PSORS1C2: variants seen among roughly 807,000 people sequenced by gnomAD.
PSORS1C2 encodes the protein psoriasis susceptibility 1 candidate 2.
Under a neutral mutation model 12.2 loss-of-function variants are expected in PSORS1C2, and 13 were observed. The observed-to-expected ratio is 1.07, with a 90% CI of 0.70 to 1.70. The LOEUF (loss-of-function observed/expected upper bound fraction) is 1.70, where lower values mean the gene tolerates loss of function less well. PSORS1C2 is among the 40% of genes most tolerant of loss of function. PSORS1C2 has a pLI of 0.00. For missense variants in PSORS1C2, 186 were observed against 173.4 expected, an observed-to-expected ratio of 1.07 and a Z score of -0.41; for synonymous variants, 76 against 69.2, an observed-to-expected ratio of 1.10 and a Z score of -0.49.
rs992483310 is a variant in PSORS1C2, at chr6:31,138,254, C to T, written c.108G>A (p.Glu36=). Reference sequence around the variant, plus strand: ...GAGGCAATGTTGGGGAGCCTGCCTCCTCTCGGTCCTCTGCGGGTGGGTGAG... The same window carrying T: ...GAGGCAATGTTGGGGAGCCTGCCTCTTCTCGGTCCTCTGCGGGTGGGTGAG... ...HPSHPPAEDR[E]EAGSPTLPQG... The change falls in exon 2 of 2, where the codon GAG becomes GAA. Residue 36 remains glutamate (E), a synonymous_variant. Transcript: ENST00000259845. 10 of 1,568,550 alleles carry T rather than the reference C, an allele frequency of 6.4e-6. No individual in the cohort carries two copies. The highest frequency in any genetic ancestry group is 8.6e-6 in the Non-Finnish European group (10 of 1,158,216).
chr6:31,138,432 C>CA (rs1243219436), intron 1 of PSORS1C2, 126 bp from the exon 2 acceptor site: 2 of 1,612,472 alleles, frequency 1.2e-6, no homozygotes, highest in East Asian at 4.5e-5. Context: ...ACAAACAGAC[C>CA]AAAAAAGTCA....
At position 31,138,226 on chromosome 6, in the gene PSORS1C2, C is replaced by A. The variant is rs747856188; in HGVS notation, c.136G>T (p.Gly46Cys). The part of the protein sequence containing the change: ...EEAGSPTLPQ[G>C]PPVPGDPWPG... ...CAAGGGTCACCGGGGACTGGGGGGC[C>A]CTGAGGCAATGTTGGGGAGCCTGCC... is the stretch of plus-strand genomic sequence containing the variant. Residue 46 changes from glycine to cysteine, a missense_variant, in exon 2 of 2, where the codon GGC becomes TGC. Coordinates refer to ENST00000259845, the MANE Select transcript of PSORS1C2 (RefSeq NM_014069.3). The A allele has an allele frequency of 4.5e-6, 7 of 1,567,606 alleles. No homozygotes were observed. The Admixed American group carries it at 1.3e-4, about 30-fold the overall frequency.
intron 1 of PSORS1C2, 30 bp from the exon 2 acceptor site, chr6:31,138,336 G>T (rs1320886029): frequency 6.2e-7 from 1 of 1,607,962 alleles, no homozygotes; most frequent in African/African-American, 1.3e-5. Context: ...AAGGTAAGAG[G>T]TGGTGAGGGC....
intron 1 of PSORS1C2, chr6:31,138,665 C>A (rs1158359625): frequency 6.2e-7 from 1 of 1,613,158 alleles, no homozygotes; most frequent in South Asian, 1.1e-5. Flanking sequence ...GGCACACAGA[C>A]CCCAGCTTTA....
Position 31,137,916 on chromosome 6 carries a change from A to G in PSORS1C2, c.*35T>C. ...GGGTGGAGAGGGCGTGGGTGCCTGG[A>G]GATGCCTGGGAACAGAACGGCTGAG... is the stretch of plus-strand genomic sequence containing the variant. On this transcript the variant is annotated 3_prime_UTR_variant, in exon 2 of 2. Transcript: ENST00000259845. 9.0e-7 allele frequency: 1 copy of G among 1,114,312 alleles called. No individual in the cohort carries two copies. The highest frequency in any genetic ancestry group is 1.2e-6 in the Non-Finnish European group (1 of 808,378). The allele number at this position is 1,114,312 out of a possible 1,614,324, so 69.0% of individuals were successfully genotyped here. A position where few individuals can be genotyped will look rare whatever the true frequency, so the allele number is the denominator to read the frequency against.
chr6:31,138,950 C>T (rs768490112), intron 1 of PSORS1C2, 22 bp downstream of exon 1: 1 of 1,613,362 alleles, frequency 6.2e-7, no homozygotes, highest in Non-Finnish European at 8.5e-7. Context: ...AACTGCAGTC[C>T]CTGCCTCTGT....
At chr6:31,138,870 C>G (rs963774844) in intron 1 of PSORS1C2, 102 bp downstream of exon 1, 1 of 1,600,188 alleles carries the variant, frequency 6.2e-7, no homozygotes, top group African/African-American at 1.3e-5. Flanking sequence ...TTCTGCGTCC[C>G]CTGAATTCCT....
chr6:31,137,943 G>C lies in PSORS1C2; in HGVS notation c.*8C>G. 1 of 1,398,940 alleles carries C rather than the reference G, an allele frequency of 7.1e-7. No homozygotes were observed. The highest frequency in any genetic ancestry group is 1.4e-5 in the African/African-American group (1 of 69,398). The allele number at this position is 1,398,940 out of a possible 1,614,324, so 86.7% of individuals were successfully genotyped here. On this transcript the variant is annotated 3_prime_UTR_variant, in exon 2 of 2. Coordinates refer to ENST00000259845, the MANE Select transcript of PSORS1C2 (RefSeq NM_014069.3). ...ATGCCTGGGAACAGAACGGCTGAGG[G>C]GACTCCATTATCTGTACTCTTCCCG...
intron 1 of PSORS1C2, 59 bp from the exon 2 acceptor site, chr6:31,138,365 C>T (rs1773267435): frequency 6.3e-7 from 1 of 1,591,718 alleles, no homozygotes; most frequent in Non-Finnish European, 8.6e-7. Flanking sequence ...CCAGCCCCAC[C>T]CAGCCCCAGC....
At position 31,138,275 on chromosome 6, in the gene PSORS1C2, G is replaced by A. The variant is rs1191440654; in HGVS notation, c.87C>T (p.His29=). 3 of 1,582,958 alleles carry A rather than the reference G, an allele frequency of 1.9e-6. No individual in the cohort carries two copies. The highest frequency in any genetic ancestry group is 2.6e-6 in the Non-Finnish European group (3 of 1,164,536). The change falls in exon 2 of 2, where the codon CAC becomes CAT. Residue 29 remains histidine, a synonymous_variant. Transcript: ENST00000259845. Reference sequence around the variant, plus strand: ...CCTCCTCTCGGTCCTCTGCGGGTGGGTGAGAGGGGTGGCCCTCGCTGCCTG... The same window carrying A: ...CCTCCTCTCGGTCCTCTGCGGGTGGATGAGAGGGGTGGCCCTCGCTGCCTG... ...GISGSEGHPS[H]PPAEDREEAG...
chr6:31,138,504 C>T (rs553355717), intron 1 of PSORS1C2, 198 bp from the exon 2 acceptor site: 126 of 1,609,502 alleles, frequency 7.8e-5, no homozygotes, highest in Non-Finnish European at 1.1e-4. Context: ...TCATGAACCC[C>T]TACCCCCGAT....
At chr6:31,138,581 C>T in intron 1 of PSORS1C2, 2 of 1,609,280 alleles carry the variant, frequency 1.2e-6, no homozygotes. Context: ...TCCATCCACC[C>T]CTGGTTGGGG....
chr6:31,138,040 G>T lies in PSORS1C2; in HGVS notation c.322C>A (p.Pro108Thr). 1 of 1,529,234 alleles carries T rather than the reference G, an allele frequency of 6.5e-7. No homozygotes were observed. The highest frequency in any genetic ancestry group is 8.8e-7 in the Non-Finnish European group (1 of 1,140,986). 94.7% of individuals were successfully genotyped at this position (1,529,234 alleles called of 1,614,324 possible). ...GGGGCAGGAGGCCAGGGGTTTTCTG[G>T]GGGCTGGGGTCCTGCCGGCCAAGGG... ...DDPWPAGPQPPENPWPPAPEV... is the reference protein window; with the variant it reads ...DDPWPAGPQPTENPWPPAPEV... The change falls in exon 2 of 2, where the codon CCA (proline) becomes ACA (threonine). Residue 108 changes from proline to threonine, a missense_variant. Coordinates refer to ENST00000259845, the MANE Select transcript of PSORS1C2 (RefSeq NM_014069.3).
chr6:31,137,725 T>G lies in PSORS1C2; in HGVS notation c.*226A>C. The G allele has an allele frequency of 2.5e-6, 1 of 398,482 alleles. No individual in the cohort carries two copies. The highest frequency in any genetic ancestry group is 4.4e-6 in the Non-Finnish European group (1 of 225,852). 24.7% of individuals were successfully genotyped at this position (398,482 alleles called of 1,614,324 possible). A position where few individuals can be genotyped will look rare whatever the true frequency, so the allele number is the denominator to read the frequency against. On this transcript the variant is annotated 3_prime_UTR_variant, in exon 2 of 2. Coordinates refer to ENST00000259845, the MANE Select transcript of PSORS1C2 (RefSeq NM_014069.3). ...TGGAGGCGAGGTAGGAGAGTAGGCT[T>G]AGGCTGTCAGAGGAAAAAACGGGCG... is the stretch of plus-strand genomic sequence containing the variant.
rs945798031 is a variant in PSORS1C2 at position 31,138,287 on chromosome 6, G to A, written c.75C>T (p.Gly25=). Residue 25 remains glycine (G), a synonymous_variant, in exon 2 of 2, where the codon GGC becomes GGT. Coordinates refer to ENST00000259845, the MANE Select transcript of PSORS1C2 (RefSeq NM_014069.3). ...CCTCTGCGGGTGGGTGAGAGGGGTG[G>A]CCCTCGCTGCCTGAGATGCCTGTAA... ...LHTRGISGSE[G]HPSHPPAEDR... The A allele has an allele frequency of 1.3e-6, 2 of 1,586,254 alleles. No individual in the cohort carries two copies. Among genetic ancestry groups the A allele is most frequent in the South Asian group, 1.1e-5 (1 of 87,158 alleles).
At position 31,138,236 on chromosome 6, in the gene PSORS1C2, T is replaced by C; in HGVS notation, c.126A>G (p.Thr42=). The part of the protein sequence containing the change: ...AEDREEAGSP[T]LPQGPPVPGD... ...CGGGGACTGGGGGGCCCTGAGGCAA[T>C]GTTGGGGAGCCTGCCTCCTCTCGGT... Residue 42 remains threonine (T), a synonymous_variant, in exon 2 of 2, where the codon ACA becomes ACG. Coordinates refer to ENST00000259845, the MANE Select transcript of PSORS1C2 (RefSeq NM_014069.3). 1.3e-6 allele frequency: 2 copies of C among 1,566,510 alleles called. No homozygotes were observed. Among genetic ancestry groups the C allele is most frequent in the Non-Finnish European group, 1.7e-6 (2 of 1,158,170 alleles).
chr6:31,138,793 G>A, intron 1 of PSORS1C2, 179 bp downstream of exon 1: 7 of 1,614,080 alleles, frequency 4.3e-6, no homozygotes, highest in Non-Finnish European at 5.9e-6. Context: ...AGAGCCAAAT[G>A]CACCTTCTGC....
intron 1 of PSORS1C2, chr6:31,138,737 A>G (rs1386240460): frequency 6.2e-7 from 1 of 1,613,764 alleles, no homozygotes; most frequent in Non-Finnish European, 8.5e-7. Context: ...CCCCACGTTA[A>G]TCCTGACCGA....
chr6:31,138,767 C>G, intron 1 of PSORS1C2: 1 of 1,614,154 alleles, frequency 6.2e-7, no homozygotes. Context: ...ATGGAGCCAG[C>G]AAACCATTTC....
Sources: allele counts gnomAD v4.1 joint callset, GRCh38; gene constraint gnomAD v4.1.1; transcripts MANE v1.5; gene names NCBI Gene and HGNC (gene_info 2026-07-23, HGNC 2026-07-21).